RUNDC3B: variants seen among roughly 807,000 people sequenced by gnomAD.
The protein encoded by RUNDC3B is RUN domain containing 3B, also known as RUN domain-containing protein 3B.
A neutral mutation model predicts 58.4 loss-of-function variants in RUNDC3B; 33 were observed. That is an observed-to-expected ratio of 0.56 (90% CI 0.43 to 0.75). RUNDC3B has a LOEUF of 0.75. RUNDC3B is among the 30% of genes least tolerant of loss of function. The pLI, the probability that RUNDC3B is intolerant of heterozygous loss-of-function variation, is 0.00. For synonymous variants in RUNDC3B, 193 were observed against 195.2 expected (o/e 0.99, Z 0.10); for missense variants, 501 against 535.7 (o/e 0.94, Z 0.64).
chr7:87,785,220 G>C (rs780720970), intron 8 of RUNDC3B, among the ~76,000 whole-genome samples: 2 of 151,886 alleles, frequency 1.3e-5, no homozygotes, highest in Non-Finnish European at 2.9e-5. Context: ...CTGAAATTGC[G>C]GGGCTGTCCC....
In RUNDC3B at chr7:87,739,793, G is replaced by T. The variant is rs78073668; in HGVS notation, c.461G>T (p.Arg154Ile). ...TALRDFKTTR[R>I]FYEDGAIVLG... ...TATTCACCCATTTCATTTTTTAGGA[G>T]ATTTTATGAAGATGGAGCAATTGTC... Residue 154 changes from arginine (R) to isoleucine (I), a missense_variant and splice_region_variant, in exon 5 of 11, where the codon AGA becomes ATA. Physicochemically the swap from Arg to Ile is moderately conservative, Grantham distance 97. Coordinates refer to ENST00000394654, the MANE Select transcript of RUNDC3B (RefSeq NM_001134405.2). The T allele has an allele frequency of 4.4e-4, 669 of 1,528,506 alleles. 9 individuals are homozygous for T. In the East Asian group the frequency reaches 0.015, roughly 34 times the overall value. The allele number at this position is 1,528,506 out of a possible 1,614,324, so 94.7% of individuals were successfully genotyped here. A position where few individuals can be genotyped will look rare whatever the true frequency, so the allele number is the denominator to read the frequency against.
intron 1 of RUNDC3B, among the ~76,000 whole-genome samples, chr7:87,636,077 A>G (rs540749903): frequency 2.8e-4 from 42 of 152,150 alleles, no homozygotes; most frequent in Non-Finnish European, 5.1e-4. Flanking sequence ...TGATATGTAC[A>G]TTTTTCTGTC....
intron 6 of RUNDC3B, among the ~76,000 whole-genome samples, chr7:87,767,401 T>A (rs989009614): frequency 1.3e-5 from 2 of 152,228 alleles, no homozygotes; most frequent in East Asian, 3.9e-4. Flanking sequence ...CTAAGATCAT[T>A]TGGCTTCATT....
At chr7:87,681,301 G>C (rs1826906862) in intron 2 of RUNDC3B, among the ~76,000 whole-genome samples, 1 of 150,460 alleles carries the variant, frequency 6.6e-6, no homozygotes, top group Non-Finnish European at 1.5e-5. Context: ...GAAAATAGGA[G>C]ATAACATTTC....
At chr7:87,773,016 C>CT (rs942652605) in intron 7 of RUNDC3B, among the ~76,000 whole-genome samples, 18 of 150,766 alleles carry the variant, frequency 1.2e-4, no homozygotes, top group Non-Finnish European at 2.6e-4. Context: ...AAAGACATTG[C>CT]TTTTTTTAAA....
At position 87,770,603 on chromosome 7, in the gene RUNDC3B, G is replaced by A. The variant is rs1834225262; in HGVS notation, c.652G>A (p.Glu218Lys). ...IQSSDSISSD[E>K]EELRTLGSSG... ...CAGTTCTGATAGTATCAGCAGTGATGAGGAGGAGCTAAGGACTTTGGGAAG... is the reference window on the plus strand; with the variant it reads ...CAGTTCTGATAGTATCAGCAGTGATAAGGAGGAGCTAAGGACTTTGGGAAG... Residue 218 changes from glutamate (E) to lysine (K), a missense_variant, in exon 7 of 11, where the codon GAG becomes AAG. Coordinates refer to ENST00000394654, the MANE Select transcript of RUNDC3B (RefSeq NM_001134405.2). 1 of 1,613,468 alleles carries A rather than the reference G, an allele frequency of 6.2e-7. No homozygotes were observed. The highest frequency in any genetic ancestry group is 8.5e-7 in the Non-Finnish European group (1 of 1,179,628).
At chr7:87,723,564 A>G (rs1211732360) in intron 4 of RUNDC3B, among the ~76,000 whole-genome samples, 7 of 152,332 alleles carry the variant, frequency 4.6e-5, no homozygotes, top group Non-Finnish European at 1.0e-4. Context: ...GTTGACAAAG[A>G]TAATACATAT....
At chr7:87,718,016 T>G (rs991710661) in intron 4 of RUNDC3B, among the ~76,000 whole-genome samples, 5 of 152,156 alleles carry the variant, frequency 3.3e-5, no homozygotes, top group Non-Finnish European at 5.9e-5. Context: ...GAATATGATA[T>G]TGATACAATA....
At chr7:87,720,542 ATGTGTGTGTGTGTGTGTG>A (rs3028189) in intron 4 of RUNDC3B, among the ~76,000 whole-genome samples, 1 of 145,184 alleles carries the variant, frequency 6.9e-6, no homozygotes, top group African/African-American at 2.5e-5. Context: ...GATAGGATAT[ATGTGTGTGTGTGTGTGTG>A]TGTGTGTGTG....
chr7:87,655,510 T>C (rs1196038650), intron 2 of RUNDC3B, among the ~76,000 whole-genome samples: 1 of 152,118 alleles, frequency 6.6e-6, no homozygotes, highest in Admixed American at 6.6e-5. Context: ...ACATGGCATC[T>C]AAAAAAGTTG....
At chr7:87,681,714 G>A (rs1174214582) in intron 2 of RUNDC3B, among the ~76,000 whole-genome samples, 1 of 151,314 alleles carries the variant, frequency 6.6e-6, no homozygotes, top group Non-Finnish European at 1.5e-5. Context: ...ATATGACAAT[G>A]TCTTAAGACA....
intron 8 of RUNDC3B, among the ~76,000 whole-genome samples, chr7:87,793,276 GAAGT>G (rs1835627631): frequency 6.6e-6 from 1 of 152,022 alleles, no homozygotes; most frequent in Non-Finnish European, 1.5e-5. Context: ...ATTTAAAGAA[GAAGT>G]AATACCAATC....
chr7:87,821,537 C>A (rs1165211106), intron 10 of RUNDC3B, among the ~76,000 whole-genome samples: 3 of 152,166 alleles, frequency 2.0e-5, no homozygotes, highest in Admixed American at 2.0e-4. Context: ...TTGGAAAAAA[C>A]TACTTTAAAG....
At chr7:87,794,091 T>C (rs1293969410) in intron 8 of RUNDC3B, among the ~76,000 whole-genome samples, 1 of 152,084 alleles carries the variant, frequency 6.6e-6, no homozygotes, top group Non-Finnish European at 1.5e-5. Flanking sequence ...ACAATAGCCA[T>C]AAATTAAATA....
intron 10 of RUNDC3B, among the ~76,000 whole-genome samples, chr7:87,819,166 C>T (rs559308023): frequency 2.0e-4 from 31 of 152,210 alleles, no homozygotes; most frequent in Admixed American, 3.9e-4. Flanking sequence ...TCAGCTAGTC[C>T]GACTGATTAT....
chr7:87,701,263 C>CA (rs1267615371), intron 3 of RUNDC3B, among the ~76,000 whole-genome samples: 1 of 151,868 alleles, frequency 6.6e-6, no homozygotes, highest in Non-Finnish European at 1.5e-5. Flanking sequence ...GATATTTTCT[C>CA]AAAAAAAGAA....
chr7:87,769,404 G>A (rs144800146), intron 6 of RUNDC3B, among the ~76,000 whole-genome samples: 168 of 152,084 alleles, frequency 1.1e-3, no homozygotes, highest in African/African-American at 3.9e-3. Flanking sequence ...TTGTACTAGG[G>A]TTTATTTCTG....
chr7:87,735,071 A>T (rs545715652), intron 4 of RUNDC3B, among the ~76,000 whole-genome samples: 1 of 152,222 alleles, frequency 6.6e-6, no homozygotes, highest in East Asian at 1.9e-4. Context: ...TACCACATTT[A>T]AACCTCTAGC....
chr7:87,707,668 T>A (rs962757809), intron 3 of RUNDC3B, among the ~76,000 whole-genome samples: 3 of 151,884 alleles, frequency 2.0e-5, no homozygotes, highest in African/African-American at 7.3e-5. Context: ...AGCAAGACCC[T>A]GTCATAAAAT....
Sources: gnomAD v4.1 joint callset for allele counts (sites outside exome capture counted in the v4.1 genomes callset) on GRCh38, gnomAD v4.1.1 for gene constraint, MANE v1.5 for transcripts, NCBI Gene and HGNC (gene_info 2026-07-23, HGNC 2026-07-21) for gene names.